Variants in LRP1 observed in about 807,000 individuals in gnomAD.
LRP1 encodes LDL receptor related protein 1, also known as prolow-density lipoprotein receptor-related protein 1.
In LRP1, 51 loss-of-function variants were observed where a neutral mutation model predicts 541.5. The ratio of observed to expected loss-of-function variants is 0.09; its 90% confidence interval spans 0.08 to 0.12. LRP1 has a LOEUF of 0.12. Ranked by LOEUF, LRP1 falls within the 10% of genes least tolerant of loss-of-function variation. The pLI, the probability that LRP1 is intolerant of heterozygous loss-of-function variation, is 1.00. For missense variants in LRP1, 3,878 were observed against 6,376.2 expected, an observed-to-expected ratio of 0.61 and a Z score of 13.34; for synonymous variants, 2,219 against 2,470.8, an observed-to-expected ratio of 0.90 and a Z score of 3.02.
In LRP1 at chr12:57,191,362, G is replaced by A. The variant is rs1177979596; in HGVS notation, c.7279G>A (p.Val2427Met). ...GCCTGTCCACCCCTTCGGGCTGGCC[G>A]TGTATGGGGAGCACATTTTCTGGAC... ...SEPVHPFGLA[V>M]YGEHIFWTDW... Residue 2427 changes from valine (V) to methionine (M), a missense_variant, in exon 44 of 89, where the codon GTG (valine) becomes ATG (methionine). Val to Met is a conservative substitution (Grantham distance 21). Around this residue, in one of 13 missense-constraint regions of LRP1, gnomAD observed 1,100 missense variants for 1,827.4 expected, o/e 0.60. Transcript: ENST00000243077. 7 of 1,612,936 alleles carry A rather than the reference G, an allele frequency of 4.3e-6. No individual in the cohort carries two copies. Among genetic ancestry groups the A allele is most frequent in the Non-Finnish European group, 5.9e-6 (7 of 1,179,188 alleles).
chr12:57,149,635 A>G (rs1255231742), intron 6 of LRP1: 1 of 712,062 alleles, frequency 1.4e-6, no homozygotes, highest in Admixed American at 2.0e-5. Context: ...GACCTAAGCC[A>G]GGCAGGGGAA....
At chr12:57,175,380 C>G in intron 22 of LRP1, 80 bp from the exon 23 acceptor site, 1 of 1,570,650 alleles carries the variant, frequency 6.4e-7, no homozygotes, top group South Asian at 1.1e-5. Flanking sequence ...CTGCCCAGGA[C>G]TTGGGGCCCA....
intron 67 of LRP1, 144 bp downstream of exon 67, chr12:57,202,049 TG>T: frequency 9.0e-7 from 1 of 1,107,108 alleles, no homozygotes; most frequent in Non-Finnish European, 1.3e-6. Context: ...GCTGTGGGGC[TG>T]GGGAAGGAGG....
chr12:57,154,624 G>A lies in LRP1; in HGVS notation c.1150G>A (p.Ala384Thr). The A allele has an allele frequency of 6.2e-7, 1 of 1,606,394 alleles. No homozygotes were observed. The highest frequency in any genetic ancestry group is 1.7e-5 in the Admixed American group (1 of 58,698). ...LDLVSRLVYW[A>T]DAYLDYIEVV... is the part of the protein sequence containing the mutation. ...CCTGGTCAGCCGCCTTGTCTACTGG[G>A]CAGATGCCTATCTGGACTATATTGA... Residue 384 changes from alanine (A) to threonine (T), a missense_variant, in exon 8 of 89, where the codon GCA (alanine) becomes ACA (threonine). Ala to Thr is a moderately conservative substitution (Grantham distance 58). Transcript: ENST00000243077. This position sits in a 1 kb window ranked among gnomAD's most constrained non-coding sequence, Gnocchi z 4.6.
At chr12:57,191,722 A>AC (rs1200221732) in intron 44 of LRP1, among the ~76,000 whole-genome samples, 1 of 133,370 alleles carries the variant, frequency 7.5e-6, no homozygotes, top group Non-Finnish European at 1.6e-5. Context: ...CACCATACAC[A>AC]CCCCCCACAC....
rs746642500 is a variant in LRP1, at chr12:57,173,222, G to A, written c.3218G>A (p.Gly1073Glu). 1.2e-6 allele frequency: 2 copies of A among 1,613,902 alleles called. No individual in the cohort carries two copies. The highest frequency in any genetic ancestry group is 8.5e-7 in the Non-Finnish European group (1 of 1,179,972). ...GATGAGTTCCAGTGCCGGCTGGATG[G>A]ACTATGCATCCCCCTGCGGTGGCGC... ...HTDEFQCRLDGLCIPLRWRCD... is the reference protein window; with the variant it reads ...HTDEFQCRLDELCIPLRWRCD... The change falls in exon 21 of 89, where the codon GGA (glycine) becomes GAA (glutamate). Residue 1073 changes from glycine (G) to glutamate (E), a missense_variant. Physicochemically the swap from Gly to Glu is moderately conservative, Grantham distance 98. Around this residue, in one of 13 missense-constraint regions of LRP1, gnomAD observed 320 missense variants for 547.9 expected, o/e 0.58. Transcript: ENST00000243077. This position sits in a 1 kb window ranked among gnomAD's most constrained non-coding sequence, Gnocchi z 4.7.
At position 57,145,091 on chromosome 12, in the gene LRP1, G is replaced by T; in HGVS notation, c.568G>T (p.Ala190Ser). ...GCAGCCGGATAACCGCTCCTGCAAG[G>T]CCAAGAACGGTGGGTGGGGTTGCCT... Reference protein sequence around the residue: ...LLQPDNRSCKAKNEPVDRPPV... With the variant: ...LLQPDNRSCKSKNEPVDRPPV... Residue 190 changes from alanine (A) to serine (S), a missense_variant, in exon 5 of 89, where the codon GCC (alanine) becomes TCC (serine). By Grantham distance (99) the Ala-to-Ser change is moderately conservative. This residue lies in a region of LRP1 where 293 missense variants were observed against 403.7 expected (regional missense o/e 0.73). Transcript: ENST00000243077. The T allele has an allele frequency of 6.2e-7, 1 of 1,613,846 alleles. No individual in the cohort carries two copies. Among genetic ancestry groups the T allele is most frequent in the Non-Finnish European group, 8.5e-7 (1 of 1,180,032 alleles).
At chr12:57,147,118 G>C (rs1336916032) in intron 6 of LRP1, among the ~76,000 whole-genome samples, 1 of 151,808 alleles carries the variant, frequency 6.6e-6, no homozygotes, top group Non-Finnish European at 1.5e-5. Flanking sequence ...AAACTCACTG[G>C]GCCTCTCAGG....
rs773976088 is a variant in LRP1, at chr12:57,196,248, G to A, written c.8863G>A (p.Asp2955Asn). 80 of 1,602,268 alleles carry A rather than the reference G, an allele frequency of 5.0e-5. 2 individuals are homozygous for A. In the South Asian group the frequency reaches 8.8e-4, roughly 18 times the overall value. Residue 2955 changes from aspartate to asparagine, a missense_variant, in exon 55 of 89, where the codon GAC becomes AAC. Transcript: ENST00000243077. The stretch of plus-strand genomic sequence containing the variant: ...CCGCAAGCTCAGTGGCTGCAGCCAG[G>A]ACTGTGAGGACCTCAAGATCGGCTT... ...LSRKLSGCSQDCEDLKIGFKC... is the reference protein window; with the variant it reads ...LSRKLSGCSQNCEDLKIGFKC...
In LRP1 at chr12:57,211,915, T is replaced by C; in HGVS notation, c.13259-12T>C. On this transcript the variant is annotated splice_polypyrimidine_tract_variant and intron_variant, in intron 86 of 88. Coordinates refer to ENST00000243077, the MANE Select transcript of LRP1 (RefSeq NM_002332.3). This position sits in a 1 kb window ranked among gnomAD's most constrained non-coding sequence, Gnocchi z 4.3. ...AGCCTTGGTGACTCAGTGTCCCACC[T>C]CTTCCCTCCAGATATAGCCTCCATC... 1 of 1,613,992 alleles carries C rather than the reference T, an allele frequency of 6.2e-7. No individual in the cohort carries two copies. The highest frequency in any genetic ancestry group is 8.5e-7 in the Non-Finnish European group (1 of 1,179,920).
chr12:57,196,916 C>A, intron 55 of LRP1, 66 bp from the exon 56 acceptor site: 1 of 1,392,114 alleles, frequency 7.2e-7, no homozygotes, highest in Middle Eastern at 2.4e-4. Context: ...GTCTCTGAGC[C>A]AGGTCTCCAG....
At chr12:57,138,676 G>C (rs1241291216) in intron 2 of LRP1, 95 bp downstream of exon 2, 16 of 1,504,656 alleles carry the variant, frequency 1.1e-5, no homozygotes, top group Non-Finnish European at 1.5e-5. Context: ...TCCCTAGCCT[G>C]ATGTGGACCT....
chr12:57,183,685 C>T lies in LRP1; in HGVS notation c.5795-90C>T. 6.4e-7 allele frequency: 1 copy of T among 1,563,952 alleles called. No homozygotes were observed. Among genetic ancestry groups the T allele is most frequent in the African/African-American group, 1.3e-5 (1 of 74,342 alleles). ...AAGCACCTGGCCCCTCCGGCACTCT[C>T]TCACCTCTGTCTTGAGCCTTGTGAG... On this transcript the variant is annotated intron_variant, in intron 35 of 88. Coordinates refer to ENST00000243077, the MANE Select transcript of LRP1 (RefSeq NM_002332.3). This position sits in a 1 kb window ranked among gnomAD's most constrained non-coding sequence, Gnocchi z 6.1.
intron 22 of LRP1, among the ~76,000 whole-genome samples, chr12:57,174,870 T>A (rs1176265527): frequency 6.6e-6 from 1 of 152,036 alleles, no homozygotes; most frequent in Non-Finnish European, 1.5e-5. Context: ...GACTTGGGGA[T>A]GAGGAGCAGA....
In LRP1 at chr12:57,154,783, A is replaced by G; in HGVS notation, c.1227+82A>G. The G allele has an allele frequency of 7.7e-7, 1 of 1,294,334 alleles. No individual in the cohort carries two copies. Among genetic ancestry groups the G allele is most frequent in the South Asian group, 1.3e-5 (1 of 78,980 alleles). The allele number at this position is 1,294,334 out of a possible 1,614,324, so 80.2% of individuals were successfully genotyped here. On this transcript the variant is annotated intron_variant, in intron 8 of 88. Transcript: ENST00000243077. The surrounding 1 kb of genome is among the most constrained non-coding windows in gnomAD (Gnocchi z 4.6). ...TGAGGGGGGAAGCCTCTGTAGGGGA[A>G]CCGTTCTCTGAGTCTCCTGGTAAAG...
intron 13 of LRP1, 92 bp downstream of exon 13, chr12:57,161,207 C>T: frequency 8.2e-7 from 1 of 1,223,562 alleles, no homozygotes; most frequent in Non-Finnish European, 1.2e-6. Context: ...ATGTGGGTAT[C>T]TGTGTGTGTC....
rs2036024239 is a variant in LRP1 at position 57,175,475 on chromosome 12, A to G, written c.3563A>G (p.Asn1188Ser). ...CCTCCCCTAGACCAGTGCTCTCTGA[A>G]TAACGGTGGCTGCAGCCACAACTGC... is the stretch of plus-strand genomic sequence containing the variant. ...EGELCDQCSL[N>S]NGGCSHNCSV... is the part of the protein sequence containing the mutation. The change falls in exon 23 of 89, where the codon AAT (asparagine) becomes AGT (serine). Residue 1188 changes from asparagine to serine, a missense_variant. Around this residue, in one of 13 missense-constraint regions of LRP1, gnomAD observed 320 missense variants for 547.9 expected, o/e 0.58. Transcript: ENST00000243077. 3 of 1,613,542 alleles carry G rather than the reference A, an allele frequency of 1.9e-6. No homozygotes were observed. The highest frequency in any genetic ancestry group is 4.5e-5 in the East Asian group (2 of 44,876).
Position 57,175,712 on chromosome 12 carries a change from C to A in LRP1, c.3793+7C>A. On this transcript the variant is annotated splice_region_variant and intron_variant, in intron 23 of 88. Transcript: ENST00000243077. The stretch of plus-strand genomic sequence containing the variant: ...GAGAGCTGCCGCAGCCTGGGTGAGA[C>A]AACAGTGAGGTGTGGTGGGGCAGGC... The A allele has an allele frequency of 6.4e-7, 1 of 1,563,540 alleles. No homozygotes were observed. The highest frequency in any genetic ancestry group is 8.7e-7 in the Non-Finnish European group (1 of 1,152,632).
rs571077820 is a variant in LRP1 at position 57,160,787 on chromosome 12, G to C, written c.1980-106G>C. ...TGTGGTCCAGTGATGAGCAGGACAGGAGACCCCTGTGAGGAGCTCTGGGAC... is the reference window on the plus strand; with the variant it reads ...TGTGGTCCAGTGATGAGCAGGACAGCAGACCCCTGTGAGGAGCTCTGGGAC... On this transcript the variant is annotated intron_variant, in intron 12 of 88. Coordinates refer to ENST00000243077, the MANE Select transcript of LRP1 (RefSeq NM_002332.3). The C allele has an allele frequency of 1.4e-5, 11 of 762,704 alleles. No homozygotes were observed. The African/African-American group carries it at 1.7e-4, about 12-fold the overall frequency. The allele number at this position is 762,704 out of a possible 1,614,324, so 47.2% of individuals were successfully genotyped here.
Sources: gnomAD v4.1 joint callset for allele counts (sites outside exome capture counted in the v4.1 genomes callset) on GRCh38, gnomAD v4.1.1 for gene constraint, gnomAD v4.1.1 regional missense constraint, Gnocchi (gnomAD v3.1) non-coding constraint, MANE v1.5 for transcripts, NCBI Gene and HGNC (gene_info 2026-07-23, HGNC 2026-07-21) for gene names.